The following GALNT18 variants were observed in gnomAD, a reference collection of about 807,000 sequenced individuals.
GALNT18 encodes GalNAc-transferase 18.
Under a neutral mutation model 69.5 loss-of-function variants are expected in GALNT18, and 44 were observed. The observed-to-expected ratio is 0.63, with a 90% CI of 0.50 to 0.81. The LOEUF (loss-of-function observed/expected upper bound fraction) is 0.81. Among genes scored for constraint, GALNT18 ranks in the 40% least tolerant of loss-of-function variants. The probability of loss-of-function intolerance (pLI) is 0.00; values close to 1 mark genes in which losing one functional copy is unlikely to be tolerated. For synonymous variants in GALNT18, 364 were observed against 318.2 expected (o/e 1.14, Z -1.53); for missense variants, 715 against 810.0 (o/e 0.88, Z 1.42).
chr11:11,302,146 C>T (rs944867025), intron 9 of GALNT18, among the ~76,000 whole-genome samples: 9 of 152,136 alleles, frequency 5.9e-5, no homozygotes, highest in Non-Finnish European at 1.3e-4. Flanking sequence ...GGTAGCACCC[C>T]GCTGGTCCCC....
At chr11:11,392,206 T>C (rs1854210817) in intron 3 of GALNT18, among the ~76,000 whole-genome samples, 1 of 152,180 alleles carries the variant, frequency 6.6e-6, no homozygotes, top group African/African-American at 2.4e-5. Context: ...TGGCATTCAG[T>C]AGAGGTTTAT....
intron 10 of GALNT18, among the ~76,000 whole-genome samples, chr11:11,279,933 G>C (rs998531958): frequency 1.3e-4 from 19 of 151,822 alleles, no homozygotes; most frequent in Non-Finnish European, 2.2e-4. Context: ...AGCTCCCTGA[G>C]AAGGGACTTT....
intron 9 of GALNT18, among the ~76,000 whole-genome samples, chr11:11,293,549 T>C (rs1849345538): frequency 6.9e-6 from 1 of 144,072 alleles, no homozygotes; most frequent in African/African-American, 2.6e-5. Context: ...TTTTTTTTTT[T>C]TTTTTTTTGG....
rs1859731275 is a variant in GALNT18, at chr11:11,605,509, G to A, written c.235+15850C>T. Among the ~76,000 whole-genome samples, 1 of 152,160 alleles carries A rather than the reference G, an allele frequency of 6.6e-6. No individual in the cohort carries two copies. Among genetic ancestry groups the A allele is most frequent in the African/African-American group, 2.4e-5 (1 of 41,428 alleles). ...CTGAGGTTCTCACAGACCTCGGGGTGAACAGGAGGCCCTCTGTTTCTGCTT... is the reference window on the plus strand; with the variant it reads ...CTGAGGTTCTCACAGACCTCGGGGTAAACAGGAGGCCCTCTGTTTCTGCTT... On this transcript the variant is annotated intron_variant, in intron 1 of 10. Transcript: ENST00000227756. This position sits in a 1 kb window ranked among gnomAD's most constrained non-coding sequence, Gnocchi z 4.7.
At chr11:11,512,326 C>CA (rs1857181894) in intron 1 of GALNT18, among the ~76,000 whole-genome samples, 1 of 152,312 alleles carries the variant, frequency 6.6e-6, no homozygotes, top group East Asian at 1.9e-4. Context: ...TCACAGCTGT[C>CA]AGACTCCGCC....
chr11:11,440,820 A>C (rs1024015849), intron 2 of GALNT18, among the ~76,000 whole-genome samples: 4 of 152,250 alleles, frequency 2.6e-5, no homozygotes, highest in African/African-American at 7.2e-5. Context: ...TGTGTCAGGC[A>C]GTGGCCCATG....
chr11:11,373,330 TAA>T (rs1850958121), intron 5 of GALNT18, among the ~76,000 whole-genome samples: 1 of 152,228 alleles, frequency 6.6e-6, no homozygotes, highest in Non-Finnish European at 1.5e-5. Flanking sequence ...AGGAATTTTT[TAA>T]AGACATATTT....
intron 10 of GALNT18, among the ~76,000 whole-genome samples, chr11:11,273,448 C>T (rs367790145): frequency 3.9e-5 from 6 of 152,154 alleles, no homozygotes; most frequent in Admixed American, 3.9e-4. Flanking sequence ...TGGAAAAATG[C>T]TCAACATCAG....
In GALNT18 at chr11:11,600,047, A is replaced by G. The variant is rs1859597227; in HGVS notation, c.235+21312T>C. 6.6e-6 allele frequency among the ~76,000 whole-genome samples: 1 copy of G among 151,992 alleles called. No individual in the cohort carries two copies. Among genetic ancestry groups the G allele is most frequent in the Non-Finnish European group, 1.5e-5 (1 of 67,914 alleles). On this transcript the variant is annotated intron_variant, in intron 1 of 10. Transcript: ENST00000227756. This position sits in a 1 kb window ranked among gnomAD's most constrained non-coding sequence, Gnocchi z 4.8. ...AGAAAATTTAGTCCTATATAATTCT[A>G]TTCCCTCCTCCATATTTTTGTGCTT... is the stretch of plus-strand genomic sequence containing the variant.
At position 11,618,090 on chromosome 11, in the gene GALNT18, G is replaced by A. The variant is rs1288451047; in HGVS notation, c.235+3269C>T. On this transcript the variant is annotated intron_variant, in intron 1 of 10. Transcript: ENST00000227756. This position sits in a 1 kb window ranked among gnomAD's most constrained non-coding sequence, Gnocchi z 6.1. The stretch of plus-strand genomic sequence containing the variant: ...AATGAAATATCACTGCAACTCCCAA[G>A]ACGAAAATAAACTTTTCAGTCATGA... 6.6e-6 allele frequency among the ~76,000 whole-genome samples: 1 copy of A among 152,124 alleles called. No individual in the cohort carries two copies. The highest frequency in any genetic ancestry group is 2.1e-4 in the South Asian group (1 of 4,820).
rs557898134 is a variant in GALNT18, at chr11:11,312,734, G to A, written c.1512+14352C>T. On this transcript the variant is annotated intron_variant, in intron 9 of 10. Transcript: ENST00000227756. ...AAGGCTGGGAATTTTCAAAGGCTGC[G>A]TGTCTGCAGGCTGCTAGGAGGGCTC... is the stretch of plus-strand genomic sequence containing the variant. Among the ~76,000 whole-genome samples the A allele has an allele frequency of 1.4e-3, 217 of 152,320 alleles. 2 individuals carry two copies. The South Asian group carries it at 0.016, about 11-fold the overall frequency.
rs1855875173 is a variant in GALNT18, at chr11:11,454,322, C to T, written c.236-5386G>A. Among the ~76,000 whole-genome samples the T allele has an allele frequency of 6.6e-6, 1 of 152,148 alleles. No individual in the cohort carries two copies. Among genetic ancestry groups the T allele is most frequent in the Admixed American group, 6.5e-5 (1 of 15,284 alleles). Reference sequence around the variant, plus strand: ...CTCAGGTAGTTCCACAAAATACGGTCAGTGGTAAGCAATCTCCACTGCTCT... The same window carrying T: ...CTCAGGTAGTTCCACAAAATACGGTTAGTGGTAAGCAATCTCCACTGCTCT... On this transcript the variant is annotated intron_variant, in intron 1 of 10. Transcript: ENST00000227756. This position sits in a 1 kb window ranked among gnomAD's most constrained non-coding sequence, Gnocchi z 4.2.
rs746760545 is a variant in GALNT18, at chr11:11,586,633, A to T, written c.235+34726T>A. Among the ~76,000 whole-genome samples the T allele has an allele frequency of 3.3e-5, 5 of 152,158 alleles. No homozygotes were observed. The highest frequency in any genetic ancestry group is 7.3e-5 in the Non-Finnish European group (5 of 68,054). On this transcript the variant is annotated intron_variant, in intron 1 of 10. Transcript: ENST00000227756. The surrounding 1 kb of genome is among the most constrained non-coding windows in gnomAD (Gnocchi z 4.1). ...TTTAAAAAAAATAAAACGTTTCAGC[A>T]TTTATATTTAGCTGGTATGCACTGG...
In GALNT18 at chr11:11,543,641, C is replaced by G. The variant is rs1857976051; in HGVS notation, c.235+77718G>C. Among the ~76,000 whole-genome samples the G allele has an allele frequency of 6.6e-6, 1 of 152,202 alleles. No homozygotes were observed. The highest frequency in any genetic ancestry group is 6.5e-5 in the Admixed American group (1 of 15,288). On this transcript the variant is annotated intron_variant, in intron 1 of 10. Coordinates refer to ENST00000227756, the MANE Select transcript of GALNT18 (RefSeq NM_198516.3). The surrounding 1 kb of genome is among the most constrained non-coding windows in gnomAD (Gnocchi z 5.1). ...GGCTTCAGTGCCCAGCACATCAGAG[C>G]CTCTGTTCCTCCCCTCGCCACCCAC...
intron 1 of GALNT18, among the ~76,000 whole-genome samples, chr11:11,594,438 A>C (rs2133934059): frequency 6.6e-6 from 1 of 152,276 alleles, no homozygotes; most frequent in African/African-American, 2.4e-5. Flanking sequence ...CACTCCCAAA[A>C]GAAACCCTGT....
rs1856147300 is a variant in GALNT18 at position 11,465,948 on chromosome 11, G to A, written c.236-17012C>T. ...AGGAAGGTCTCCCAGATGTGGATGT[G>A]AGCCAAAGTCAGGGCCCAAAGGAAC... On this transcript the variant is annotated intron_variant, in intron 1 of 10. Coordinates refer to ENST00000227756, the MANE Select transcript of GALNT18 (RefSeq NM_198516.3). The surrounding 1 kb of genome is among the most constrained non-coding windows in gnomAD (Gnocchi z 5.7). 6.6e-6 allele frequency among the ~76,000 whole-genome samples: 1 copy of A among 152,160 alleles called. No individual in the cohort carries two copies. Among genetic ancestry groups the A allele is most frequent in the Admixed American group, 6.5e-5 (1 of 15,272 alleles).
intron 1 of GALNT18, among the ~76,000 whole-genome samples, chr11:11,525,095 G>A (rs1047080422): frequency 5.3e-5 from 8 of 151,992 alleles, no homozygotes; most frequent in Non-Finnish European, 8.8e-5. Flanking sequence ...TCAGAGAGGT[G>A]CAAGAAAAAA....
In GALNT18 at chr11:11,365,092, T is replaced by A. The variant is rs970194906; in HGVS notation, c.1092+7423A>T. On this transcript the variant is annotated intron_variant, in intron 6 of 10. Transcript: ENST00000227756. ...TGCAGGTTTGTTCCATAGGTATACATGTGCCATGGTGGTTTGCTGCACCTA... is the reference window on the plus strand; with the variant it reads ...TGCAGGTTTGTTCCATAGGTATACAAGTGCCATGGTGGTTTGCTGCACCTA... Among the ~76,000 whole-genome samples, 4 of 152,214 alleles carry A rather than the reference T, an allele frequency of 2.6e-5. No homozygotes were observed. In the South Asian group the frequency reaches 8.3e-4, roughly 32 times the overall value.
rs1398613157 is a variant in GALNT18, at chr11:11,390,305, A to T, written c.596-11041T>A. 1.8e-4 allele frequency among the ~76,000 whole-genome samples: 28 copies of T among 152,144 alleles called. 1 individual carries two copies. Among genetic ancestry groups the T allele is most frequent in the Admixed American group, 1.8e-3 (28 of 15,272 alleles). On this transcript the variant is annotated intron_variant, in intron 3 of 10. Coordinates refer to ENST00000227756, the MANE Select transcript of GALNT18 (RefSeq NM_198516.3). ...ACTACCTGCTACCTCCACCTGGAAC[A>T]TTCTTCTCGCCTCCCCTGTCCCAGC...
Sources: gnomAD v4.1 joint callset for allele counts (sites outside exome capture counted in the v4.1 genomes callset) on GRCh38, gnomAD v4.1.1 for gene constraint, Gnocchi (gnomAD v3.1) non-coding constraint, MANE v1.5 for transcripts, NCBI Gene and HGNC (gene_info 2026-07-23, HGNC 2026-07-21) for gene names.